The following CEP350 variants were observed in gnomAD, a reference collection of about 807,000 sequenced individuals.
The protein encoded by CEP350 is centrosomal protein 350.
CEP350 carries 126 observed loss-of-function variants against 331.8 expected under a neutral mutation model. The observed-to-expected ratio is 0.38, with a 90% CI of 0.33 to 0.44. The LOEUF is 0.44. Among genes scored for constraint, CEP350 ranks in the 20% least tolerant of loss-of-function variants. The pLI, the probability that CEP350 is intolerant of heterozygous loss-of-function variation, is 1.00. For synonymous variants in CEP350, 1,200 were observed against 1,259.5 expected (o/e 0.95, Z 1.00); for missense variants, 3,406 against 3,634.6 (o/e 0.94, Z 1.62).
At position 180,004,919 on chromosome 1, in the gene CEP350, CTT is replaced by C. The variant is rs1654143215; in HGVS notation, c.1133-1533_1133-1532del. Among the ~76,000 whole-genome samples the C allele has an allele frequency of 2.7e-5, 2 of 73,698 alleles. 1 individual carries two copies. 48.3% of individuals were successfully genotyped at this position (73,698 alleles called of 152,430 possible). On this transcript the variant is annotated intron_variant, in intron 7 of 37. Coordinates refer to ENST00000367607, the MANE Select transcript of CEP350 (RefSeq NM_014810.5). ...GCTTGCTTGCTTGCTTTCTTTCTTT[CTT>C]TCTTTCTTTCTTTCTTTCTTTCTTT...
Position 180,031,513 on chromosome 1 carries a change from T to A in CEP350, c.3725+19T>A. 1 of 1,166,106 alleles carries A rather than the reference T, an allele frequency of 8.6e-7. No individual in the cohort carries two copies. Among genetic ancestry groups the A allele is most frequent in the Non-Finnish European group, 1.1e-6 (1 of 887,504 alleles). 72.2% of individuals were successfully genotyped at this position (1,166,106 alleles called of 1,614,324 possible). Reference sequence around the variant, plus strand: ...CTGTGAGGTAATGTATATTTTATACTGTAATTTATATATAATTAAAGATAT... The same window carrying A: ...CTGTGAGGTAATGTATATTTTATACAGTAATTTATATATAATTAAAGATAT... On this transcript the variant is annotated intron_variant, in intron 15 of 37. Transcript: ENST00000367607.
At chr1:179,969,370 A>C (rs1651259781) in intron 1 of CEP350, 1 of 516,022 alleles carries the variant, frequency 1.9e-6, no homozygotes, top group Non-Finnish European at 3.9e-6. Flanking sequence ...CTGAGGTTGC[A>C]GACTGGTCTG....
chr1:180,044,338 A>G (rs1048918822), intron 21 of CEP350, among the ~76,000 whole-genome samples, 165 bp downstream of exon 21: 2 of 152,342 alleles, frequency 1.3e-5, no homozygotes, highest in South Asian at 2.1e-4. Flanking sequence ...TAGTTGGTCC[A>G]TGTAATAATG....
rs1050270910 is a variant in CEP350 at position 180,046,739 on chromosome 1, GT to G, written c.4623-1789del. On this transcript the variant is annotated intron_variant, in intron 21 of 37. Transcript: ENST00000367607. ...TCTACAGTCCTCACCAATGCTTGTT[GT>G]TTTTTTTGTTATAGCCATCTTAGGG... is the stretch of plus-strand genomic sequence containing the variant. Among the ~76,000 whole-genome samples, 133 of 151,986 alleles carry G rather than the reference GT, an allele frequency of 8.8e-4. 1 individual carries two copies. The highest frequency in any genetic ancestry group is 3.1e-3 in the African/African-American group (128 of 41,460).
chr1:180,093,341 C>G lies in CEP350; in HGVS notation c.7236C>G (p.Cys2412Trp). ...CACTCAGGAAAGACTCTCAGTCTTG[C>G]AGAGATAAGCCACAGCCAATGAGGA... Reference protein sequence around the residue: ...LLSLRKDSQSCRDKPQPMRSS... With the variant: ...LLSLRKDSQSWRDKPQPMRSS... Residue 2412 changes from cysteine (C) to tryptophan (W), a missense_variant, in exon 34 of 38, where the codon TGC (cysteine) becomes TGG (tryptophan). This residue lies in a region of CEP350 where 1,415 missense variants were observed against 1,512.3 expected (regional missense o/e 0.94). Coordinates refer to ENST00000367607, the MANE Select transcript of CEP350 (RefSeq NM_014810.5). 1 of 1,599,148 alleles carries G rather than the reference C, an allele frequency of 6.3e-7. No homozygotes were observed. Among genetic ancestry groups the G allele is most frequent in the Non-Finnish European group, 8.5e-7 (1 of 1,172,696 alleles).
chr1:180,043,116 G>T lies in CEP350; in HGVS notation c.4423G>T (p.Ala1475Ser). Residue 1475 changes from alanine to serine, a missense_variant, in exon 20 of 38, where the codon GCA becomes TCA. Physicochemically the swap from Ala to Ser is moderately conservative, Grantham distance 99. Transcript: ENST00000367607. The stretch of plus-strand genomic sequence containing the variant: ...TGTCGTGGCTTCAGGAGCTCCCCTT[G>T]CAATACTGTATGACCACCAACGGCA... Reference protein sequence around the residue: ...DAVVASGAPLAILYDHQRQHL... With the variant: ...DAVVASGAPLSILYDHQRQHL... 6.2e-7 allele frequency: 1 copy of T among 1,613,808 alleles called. No homozygotes were observed. The highest frequency in any genetic ancestry group is 8.5e-7 in the Non-Finnish European group (1 of 1,179,792).
chr1:179,981,534 G>T (rs1652270745), intron 1 of CEP350, among the ~76,000 whole-genome samples: 1 of 152,018 alleles, frequency 6.6e-6, no homozygotes, highest in Admixed American at 6.6e-5. Flanking sequence ...TCAATTTTCA[G>T]TTTCTACAAA....
intron 28 of CEP350, among the ~76,000 whole-genome samples, chr1:180,078,082 G>A (rs566658215): frequency 2.2e-3 from 331 of 151,964 alleles, no homozygotes; most frequent in Middle Eastern, 0.02. Flanking sequence ...ACAGTGAGCC[G>A]AGATCATGCT....
chr1:179,955,755 G>A (rs1179185195), intron 1 of CEP350, among the ~76,000 whole-genome samples: 1 of 152,192 alleles, frequency 6.6e-6, no homozygotes, highest in Admixed American at 6.5e-5. Flanking sequence ...AATTTGCCTG[G>A]ATTTTAAATA....
At chr1:179,993,641 C>T (rs1332865435) in intron 5 of CEP350, among the ~76,000 whole-genome samples, 1 of 112,366 alleles carries the variant, frequency 8.9e-6, no homozygotes. Flanking sequence ...CCAGGGTGGT[C>T]TTGAACTCAT....
intron 11 of CEP350, among the ~76,000 whole-genome samples, chr1:180,019,319 G>A (rs1021262419): frequency 6.6e-6 from 1 of 152,090 alleles, no homozygotes; most frequent in South Asian, 2.1e-4. Context: ...ACCCTACCCT[G>A]TATATTTGTA....
Position 180,094,531 on chromosome 1 carries a change from C to T in CEP350, c.8426C>T (p.Ser2809Leu), listed in dbSNP as rs141429392. 33 of 1,613,856 alleles carry T rather than the reference C, an allele frequency of 2.0e-5. No individual in the cohort carries two copies. Among genetic ancestry groups the T allele is most frequent in the East Asian group, 1.6e-4 (7 of 44,860 alleles). The change falls in exon 34 of 38, where the codon TCG becomes TTG. Residue 2809 changes from serine to leucine, a missense_variant. Around this residue, in one of 5 missense-constraint regions of CEP350, gnomAD observed 1,415 missense variants for 1,512.3 expected, o/e 0.94. Coordinates refer to ENST00000367607, the MANE Select transcript of CEP350 (RefSeq NM_014810.5). ...CTATCCCAAAATGTTGAGGAACAGT[C>T]GCCAAGTATTTCAGGTTGCTTCTTA... Reference protein sequence around the residue: ...QDLSQNVEEQSPSISGCFLSS... With the variant: ...QDLSQNVEEQLPSISGCFLSS...
rs746042299 is a variant in CEP350, at chr1:180,014,257, A to G, written c.1804A>G (p.Arg602Gly). The change falls in exon 10 of 38, where the codon AGG becomes GGG. Residue 602 changes from arginine to glycine, a missense_variant. Transcript: ENST00000367607. Reference sequence around the variant, plus strand: ...AGATGAGGTACGACAGTACATTGTTAGGCAGCAGGAGGAAAGGAAGAGAAA... The same window carrying G: ...AGATGAGGTACGACAGTACATTGTTGGGCAGCAGGAGGAAAGGAAGAGAAA... ...DTDEVRQYIV[R>G]QQEERKRKQN... is the part of the protein sequence containing the mutation. 26 of 1,607,330 alleles carry G rather than the reference A, an allele frequency of 1.6e-5. No homozygotes were observed. The highest frequency in any genetic ancestry group is 3.4e-6 in the Non-Finnish European group (4 of 1,176,932).
chr1:179,984,735 A>T (rs532610266), intron 1 of CEP350, among the ~76,000 whole-genome samples: 3 of 152,328 alleles, frequency 2.0e-5, no homozygotes, highest in African/African-American at 7.2e-5. Context: ...AGTTAAGTAA[A>T]GTAGGGCACA....
At chr1:180,019,340 C>A (rs59265893) in intron 11 of CEP350, among the ~76,000 whole-genome samples, 2,526 of 152,194 alleles carry the variant, frequency 0.017, 71 homozygotes, top group African/African-American at 0.057. Context: ...TTTATAGTTG[C>A]ATATTTATAG....
At chr1:180,101,008 A>G (rs887172734) in intron 37 of CEP350, among the ~76,000 whole-genome samples, 2 of 152,228 alleles carry the variant, frequency 1.3e-5, no homozygotes, top group African/African-American at 2.4e-5. Context: ...AGAGGCTTCC[A>G]GTAGGTGCCA....
chr1:180,098,433 T>G (rs1660615399), intron 36 of CEP350, among the ~76,000 whole-genome samples: 1 of 152,134 alleles, frequency 6.6e-6, no homozygotes, highest in South Asian at 2.1e-4. Flanking sequence ...CTGGACCTCC[T>G]GGGCTCAATC....
chr1:180,022,256 A>G (rs552941776), intron 12 of CEP350, among the ~76,000 whole-genome samples: 120 of 151,680 alleles, frequency 7.9e-4, no homozygotes, highest in Admixed American at 7.6e-3. Context: ...AATCAACATC[A>G]TTTTTAATAA....
At position 179,997,207 on chromosome 1, in the gene CEP350, C is replaced by T. The variant is rs149136783; in HGVS notation, c.1018+32C>T. The T allele has an allele frequency of 1.1e-3, 1,701 of 1,574,656 alleles. 5 individuals are homozygous for T. Among genetic ancestry groups the T allele is most frequent in the Non-Finnish European group, 9.2e-4 (1,073 of 1,162,288 alleles). The stretch of plus-strand genomic sequence containing the variant: ...AATCAGTCTTTATATCTTCCTCTCC[C>T]TGCTTCTTTGTTCTTCTTTCTCCCT... On this transcript the variant is annotated intron_variant, in intron 6 of 37. Transcript: ENST00000367607.
Sources: allele counts gnomAD v4.1 joint callset (sites outside exome capture counted in the v4.1 genomes callset), GRCh38; gene constraint gnomAD v4.1.1; regional missense constraint gnomAD v4.1.1; transcripts MANE v1.5; gene names NCBI Gene and HGNC (gene_info 2026-07-23, HGNC 2026-07-21).